The following KLC1 variants were observed in gnomAD, a reference collection of about 807,000 sequenced individuals.
KLC1 encodes the protein kinesin light chain 1.
Under a neutral mutation model 84.2 loss-of-function variants are expected in KLC1, and 30 were observed. The observed-to-expected ratio is 0.36, with a 90% CI of 0.27 to 0.48. The LOEUF (loss-of-function observed/expected upper bound fraction) is 0.48. Ranked by LOEUF, KLC1 falls within the 20% of genes least tolerant of loss-of-function variation. KLC1 has a pLI of 0.99. For missense variants in KLC1, 499 were observed against 805.4 expected (o/e 0.62, Z 4.60); for synonymous variants, 289 against 293.3 (o/e 0.99, Z 0.15).
intron 1 of KLC1, among the ~76,000 whole-genome samples, chr14:103,654,230 A>G (rs2078680768): frequency 6.6e-6 from 1 of 152,250 alleles, no homozygotes; most frequent in African/African-American, 2.4e-5. Flanking sequence ...AGGAAGAGAA[A>G]AAGGCTTGCA....
chr14:103,655,592 C>T (rs1016482123), intron 2 of KLC1, among the ~76,000 whole-genome samples: 2 of 146,300 alleles, frequency 1.4e-5, no homozygotes, highest in South Asian at 2.1e-4. Context: ...CCACCATGCC[C>T]GGCCTCTGAA....
At chr14:103,678,351 C>T (rs1295118694) in intron 12 of KLC1, among the ~76,000 whole-genome samples, 1 of 152,098 alleles carries the variant, frequency 6.6e-6, no homozygotes, top group Non-Finnish European at 1.5e-5. Context: ...TTGGATTCAC[C>T]AAAGTTAAAA....
intron 1 of KLC1, among the ~76,000 whole-genome samples, chr14:103,642,795 TCTCA>T (rs1263218735): frequency 6.9e-6 from 1 of 144,866 alleles, no homozygotes; most frequent in Admixed American, 7.1e-5. Flanking sequence ...TGAGACGGAG[TCTCA>T]CTCTGTTGCC....
Position 103,696,275 on chromosome 14 carries a change from G to A in KLC1, c.1848+3850G>A, listed in dbSNP as rs1035606416. The A allele has an allele frequency of 8.1e-6, 8 of 985,358 alleles. 1 individual carries two copies. The African/African-American group carries it at 1.4e-4, about 17-fold the overall frequency. 61.0% of individuals were successfully genotyped at this position (985,358 alleles called of 1,614,324 possible). On this transcript the variant is annotated intron_variant, in intron 15 of 16. Transcript: ENST00000334553. ...TGGATGCTTCCCTGAAGCAGCAGCAGTGTGTGGCTCAGGGGTCCTCAGAGG... is the reference window on the plus strand; with the variant it reads ...TGGATGCTTCCCTGAAGCAGCAGCAATGTGTGGCTCAGGGGTCCTCAGAGG...
chr14:103,638,693 G>GCT (rs2077242085), intron 1 of KLC1, among the ~76,000 whole-genome samples: 1 of 127,772 alleles, frequency 7.8e-6, no homozygotes. Context: ...TCAGAGTCTC[G>GCT]CTCTGTCACC....
chr14:103,667,966 A>G (rs889929380), intron 5 of KLC1, among the ~76,000 whole-genome samples: 4 of 152,228 alleles, frequency 2.6e-5, no homozygotes, highest in African/African-American at 9.6e-5. Flanking sequence ...CAATCAAGAA[A>G]GATTCTTCGT....
At chr14:103,642,601 T>C (rs1567009216) in intron 1 of KLC1, among the ~76,000 whole-genome samples, 1 of 152,038 alleles carries the variant, frequency 6.6e-6, no homozygotes, top group African/African-American at 2.4e-5. Flanking sequence ...AGGGAAAATA[T>C]AAGATGAGCC....
chr14:103,693,877 G>GC lies in KLC1; in HGVS notation c.1848+1453dup. 3.7e-6 allele frequency: 5 copies of GC among 1,345,678 alleles called. No individual in the cohort carries two copies. The highest frequency in any genetic ancestry group is 3.8e-6 in the Non-Finnish European group (4 of 1,050,170). The allele number at this position is 1,345,678 out of a possible 1,614,324, so 83.4% of individuals were successfully genotyped here. A position where few individuals can be genotyped will look rare whatever the true frequency, so the allele number is the denominator to read the frequency against. On this transcript the variant is annotated intron_variant, in intron 15 of 16. Transcript: ENST00000334553. This position sits in a 1 kb window ranked among gnomAD's most constrained non-coding sequence, Gnocchi z 5.1. ...AGGCTGGCTCAGGGAGGCCGAGGTG[G>GC]CGCTGAGGTGGCTTCAGCACGCTGG...
At chr14:103,635,640 G>C (rs1178968353) in intron 1 of KLC1, among the ~76,000 whole-genome samples, 1 of 152,014 alleles carries the variant, frequency 6.6e-6, no homozygotes, top group Admixed American at 6.6e-5. Flanking sequence ...TGTAGTCCCG[G>C]GTATTTGGGA....
rs977999548 is a variant in KLC1, at chr14:103,694,416, A to G, written c.1848+1991A>G. ...ACAGGCACCCGCCAGGCGGATCACA[A>G]GGTCAGGAGATCGAGACCATCCTGG... is the stretch of plus-strand genomic sequence containing the variant. On this transcript the variant is annotated intron_variant, in intron 15 of 16. Transcript: ENST00000334553. This position sits in a 1 kb window ranked among gnomAD's most constrained non-coding sequence, Gnocchi z 4.5. 7.1e-6 allele frequency: 7 copies of G among 979,876 alleles called. No individual in the cohort carries two copies. Among genetic ancestry groups the G allele is most frequent in the Non-Finnish European group, 8.5e-6 (7 of 825,056 alleles). The allele number at this position is 979,876 out of a possible 1,614,324, so 60.7% of individuals were successfully genotyped here. A position where few individuals can be genotyped will look rare whatever the true frequency, so the allele number is the denominator to read the frequency against.
intron 5 of KLC1, among the ~76,000 whole-genome samples, chr14:103,663,816 G>T (rs1380048745): frequency 6.6e-6 from 1 of 152,192 alleles, no homozygotes; most frequent in Middle Eastern, 3.2e-3. Context: ...GGTTGTCGGG[G>T]TGGGGCGAGG....
chr14:103,659,495 T>G (rs1343494360), intron 3 of KLC1, among the ~76,000 whole-genome samples: 1 of 152,196 alleles, frequency 6.6e-6, no homozygotes. Context: ...ATCAACACTT[T>G]ACTGTTAACT....
Position 103,696,566 on chromosome 14 carries a change from G to A in KLC1, c.1849-4089G>A, listed in dbSNP as rs2082539899. Reference sequence around the variant, plus strand: ...TTCTGTTTGCACTGACTTGTGAGCTGTGTGTACGCTGTGGTCAGATTTCTG... The same window carrying A: ...TTCTGTTTGCACTGACTTGTGAGCTATGTGTACGCTGTGGTCAGATTTCTG... On this transcript the variant is annotated intron_variant, in intron 15 of 16. Coordinates refer to ENST00000334553, the MANE Select transcript of KLC1 (RefSeq NM_001394837.1). The A allele has an allele frequency of 3.0e-6, 3 of 985,362 alleles. No homozygotes were observed. The African/African-American group carries it at 5.2e-5, about 17-fold the overall frequency. 61.0% of individuals were successfully genotyped at this position (985,362 alleles called of 1,614,324 possible).
intron 7 of KLC1, among the ~76,000 whole-genome samples, chr14:103,672,399 A>G (rs2080472417): frequency 6.6e-6 from 1 of 152,208 alleles, no homozygotes; most frequent in Admixed American, 6.5e-5. Flanking sequence ...TTGGTGAAGA[A>G]GAGAGACAAA....
At chr14:103,690,403 A>G (rs1310935535) in intron 14 of KLC1, among the ~76,000 whole-genome samples, 2 of 152,144 alleles carry the variant, frequency 1.3e-5, no homozygotes, top group East Asian at 3.9e-4. Flanking sequence ...CCTGGGGATA[A>G]GGAAATTCAG....
intron 1 of KLC1, among the ~76,000 whole-genome samples, chr14:103,643,785 T>G (rs146846918): frequency 0.017 from 2,604 of 151,972 alleles, 67 homozygotes; most frequent in African/African-American, 0.056. Context: ...AAAATTAGCC[T>G]GGCGTGGTGG....
chr14:103,647,829 T>C (rs888831050), intron 1 of KLC1, among the ~76,000 whole-genome samples: 2 of 148,786 alleles, frequency 1.3e-5, no homozygotes, highest in Non-Finnish European at 1.5e-5. Context: ...TGAGCCGAGA[T>C]TGTGCAACTG....
chr14:103,631,080 AC>A (rs1031060604), intron 1 of KLC1, among the ~76,000 whole-genome samples: 2 of 151,554 alleles, frequency 1.3e-5, no homozygotes, highest in Non-Finnish European at 2.9e-5. Context: ...GTTTAAACTT[AC>A]ACATTTTTTT....
At chr14:103,675,660 T>C (rs368379566) in intron 10 of KLC1, 29 bp from the exon 11 acceptor site, 1 of 1,605,210 alleles carries the variant, frequency 6.2e-7, no homozygotes, top group African/African-American at 1.3e-5. Flanking sequence ...AAGATAATTA[T>C]TCATTTGAAA....
Sources: gnomAD v4.1 joint callset for allele counts (sites outside exome capture counted in the v4.1 genomes callset) on GRCh38, gnomAD v4.1.1 for gene constraint, Gnocchi (gnomAD v3.1) non-coding constraint, MANE v1.5 for transcripts, NCBI Gene and HGNC (gene_info 2026-07-23, HGNC 2026-07-21) for gene names.